Variants in SLC3A1 observed in about 807,000 individuals in gnomAD.
SLC3A1 encodes solute carrier family 3 member 1.
Under a neutral mutation model 60.3 loss-of-function variants are expected in SLC3A1, and 78 were observed. The ratio of observed to expected loss-of-function variants is 1.29; its 90% CI spans 1.08 to 1.56. The LOEUF (loss-of-function observed/expected upper bound fraction) is 1.56, where lower values mean the gene tolerates loss of function less well. SLC3A1 is among the 40% of genes most tolerant of loss of function. SLC3A1 has a pLI of 0.00. For missense variants in SLC3A1, 1,172 were observed against 858.9 expected (o/e 1.36, Z -4.56); for synonymous variants, 392 against 307.9 (o/e 1.27, Z -2.86).
At chr2:44,309,611 G>GT (rs1435218936) in intron 7 of SLC3A1, among the ~76,000 whole-genome samples, 3 of 152,040 alleles carry the variant, frequency 2.0e-5, no homozygotes, top group Non-Finnish European at 4.4e-5. Context: ...CTTTTGTTTT[G>GT]TTTTTTGAGA....
rs1450242721 is a variant in SLC3A1, at chr2:44,304,149, G to A, written c.1143G>A (p.Met381Ile). Reference sequence around the variant, plus strand: ...ACCTTGTCAACTCTTATAGGTTCATGGGGACTGAAGCCTATGCAGAGAGTA... The same window carrying A: ...ACCTTGTCAACTCTTATAGGTTCATAGGGACTGAAGCCTATGCAGAGAGTA... ...YSTEPGRYRFMGTEAYAESID... is the reference protein window; with the variant it reads ...YSTEPGRYRFIGTEAYAESID... Residue 381 changes from methionine (M) to isoleucine (I), a missense_variant, in exon 7 of 10, where the codon ATG (methionine) becomes ATA (isoleucine). Physicochemically the swap from Met to Ile is conservative, Grantham distance 10. Transcript: ENST00000260649. 6.2e-7 allele frequency: 1 copy of A among 1,613,634 alleles called. No homozygotes were observed. Among genetic ancestry groups the A allele is most frequent in the African/African-American group, 1.3e-5 (1 of 74,916 alleles).
At chr2:44,321,576 C>T (rs972610621), downstream of SLC3A1, 28 of 1,494,856 alleles carry the variant, frequency 1.9e-5, no homozygotes, top group East Asian at 2.5e-5. Flanking sequence ...TACTTTCATT[C>T]GAGAGAGAGG....
intron 6 of SLC3A1, among the ~76,000 whole-genome samples, chr2:44,301,937 A>C (rs1672022157): frequency 6.7e-6 from 1 of 149,862 alleles, no homozygotes; most frequent in Non-Finnish European, 1.5e-5. Context: ...TGCCTGTAAT[A>C]CCAGCTACTC....
chr2:44,295,649 G>A (rs555294696), intron 4 of SLC3A1, among the ~76,000 whole-genome samples: 1 of 152,230 alleles, frequency 6.6e-6, no homozygotes, highest in East Asian at 1.9e-4. Context: ...TTATGCTAGG[G>A]CCATAAACCT....
chr2:44,302,969 C>T (rs1014373174), intron 6 of SLC3A1, among the ~76,000 whole-genome samples: 2 of 152,024 alleles, frequency 1.3e-5, no homozygotes, highest in Admixed American at 6.6e-5. Flanking sequence ...GAGGCCAAGG[C>T]AGGCACATCA....
chr2:44,276,656 C>T (rs1426593274), intron 1 of SLC3A1, among the ~76,000 whole-genome samples: 1 of 151,546 alleles, frequency 6.6e-6, no homozygotes, highest in Non-Finnish European at 1.5e-5. Context: ...AGCCCAGGAG[C>T]TCTCAGCCAG....
At chr2:44,284,853 C>T (rs998113088) in intron 3 of SLC3A1, among the ~76,000 whole-genome samples, 15 of 152,122 alleles carry the variant, frequency 9.9e-5, no homozygotes, top group African/African-American at 3.4e-4. Context: ...GCATGAGCTA[C>T]CATGCCCAGC....
At chr2:44,316,625 G>A (rs1672468496) in intron 9 of SLC3A1, among the ~76,000 whole-genome samples, 1 of 152,130 alleles carries the variant, frequency 6.6e-6, no homozygotes, top group East Asian at 1.9e-4. Flanking sequence ...AGAACAGGTA[G>A]GATAAAGAGA....
In SLC3A1 at chr2:44,275,934, C is replaced by T; in HGVS notation, c.399C>T (p.Asp133=). 1 of 1,614,180 alleles carries T rather than the reference C, an allele frequency of 6.2e-7. No individual in the cohort carries two copies. Among genetic ancestry groups the T allele is most frequent in the Non-Finnish European group, 8.5e-7 (1 of 1,180,024 alleles). Residue 133 remains aspartate (D), a synonymous_variant, in exon 1 of 10, where the codon GAC becomes GAT. Coordinates refer to ENST00000260649, the MANE Select transcript of SLC3A1 (RefSeq NM_000341.4). The part of the protein sequence containing the change: ...MYQIYPRSFK[D]SNKDGNGDLK... ...AGATCTACCCAAGGTCTTTCAAGGA[C>T]AGTAACAAGGATGGGAACGGAGATC...
In SLC3A1 at chr2:44,320,188, T is replaced by TA. The variant is rs1370011408; in HGVS notation, c.1618-4dup. 6.2e-7 allele frequency: 1 copy of TA among 1,606,738 alleles called. No homozygotes were observed. The highest frequency in any genetic ancestry group is 1.3e-5 in the African/African-American group (1 of 74,822). On this transcript the variant is annotated splice_polypyrimidine_tract_variant and intron_variant, in intron 9 of 9. Coordinates refer to ENST00000260649, the MANE Select transcript of SLC3A1 (RefSeq NM_000341.4). ...TCAAACACTTACGTAAATACTTTTT[T>TA]AAAAAAATAGGTCCAAAAGACTCAG... is the stretch of plus-strand genomic sequence containing the variant.
At chr2:44,312,561 G>A (rs1356073410) in intron 7 of SLC3A1, 25 bp from the exon 8 acceptor site, 2 of 1,612,494 alleles carry the variant, frequency 1.2e-6, no homozygotes, top group Non-Finnish European at 1.7e-6. Flanking sequence ...ATACAGCTGT[G>A]TTCTTAAAAA....
In SLC3A1 at chr2:44,301,238, CATAACTCTAATT is replaced by C. The variant is rs1449848555; in HGVS notation, c.1136+112_1136+123del. 10 of 1,349,802 alleles carry C rather than the reference CATAACTCTAATT, an allele frequency of 7.4e-6. No homozygotes were observed. In the Admixed American group the frequency reaches 1.9e-4, roughly 25 times the overall value. 83.6% of individuals were successfully genotyped at this position (1,349,802 alleles called of 1,614,324 possible). ...TTCAAGTAATAATGTAACAAGCCTG[CATAACTCTAATT>C]GATTACAGTTTGGTTGTACCAGGGC... On this transcript the variant is annotated intron_variant, in intron 6 of 9. Coordinates refer to ENST00000260649, the MANE Select transcript of SLC3A1 (RefSeq NM_000341.4).
chr2:44,312,833 C>CT (rs1442317960), intron 8 of SLC3A1, 80 bp downstream of exon 8: 1 of 1,131,642 alleles, frequency 8.8e-7, no homozygotes, highest in African/African-American at 1.6e-5. Context: ...AATCAGAGAA[C>CT]TTACTATCTC....
chr2:44,291,064 T>C (rs968043044), intron 4 of SLC3A1, among the ~76,000 whole-genome samples: 16 of 152,180 alleles, frequency 1.1e-4, no homozygotes, highest in Admixed American at 6.6e-5. Flanking sequence ...AAAGTCACCA[T>C]CCTTGGGAGT....
At chr2:44,292,092 G>A (rs1671751762) in intron 4 of SLC3A1, among the ~76,000 whole-genome samples, 1 of 152,170 alleles carries the variant, frequency 6.6e-6, no homozygotes, top group Admixed American at 6.6e-5. Context: ...ACACAGAGAG[G>A]TGAAGTAACC....
chr2:44,280,024 G>A (rs972025877), intron 1 of SLC3A1, among the ~76,000 whole-genome samples: 9 of 152,148 alleles, frequency 5.9e-5, no homozygotes, highest in Non-Finnish European at 1.5e-5. Flanking sequence ...GTGCAGTGTA[G>A]ACCACATGAC....
chr2:44,275,513 C>A lies in SLC3A1; in HGVS notation c.-23C>A. 6.2e-7 allele frequency: 1 copy of A among 1,609,412 alleles called. No individual in the cohort carries two copies. Among genetic ancestry groups the A allele is most frequent in the South Asian group, 1.1e-5 (1 of 90,284 alleles). On this transcript the variant is annotated 5_prime_UTR_variant, in exon 1 of 10. Coordinates refer to ENST00000260649, the MANE Select transcript of SLC3A1 (RefSeq NM_000341.4). ...ACCTCCCTTACTGCAGGAAGGCACT[C>A]CGAAGACATAAGTCGGTGAGACATG...
At chr2:44,304,839 T>C (rs1331180319) in intron 7 of SLC3A1, among the ~76,000 whole-genome samples, 1 of 137,402 alleles carries the variant, frequency 7.3e-6, no homozygotes, top group Non-Finnish European at 1.6e-5. Flanking sequence ...TTTTTTTTTT[T>C]TGAGACAGGG....
chr2:44,302,108 T>C (rs372835683), intron 6 of SLC3A1, among the ~76,000 whole-genome samples: 2 of 152,042 alleles, frequency 1.3e-5, no homozygotes, highest in Non-Finnish European at 2.9e-5. Context: ...TTTATCATTG[T>C]TATTGGATCT....
Sources: gnomAD v4.1 joint callset for allele counts (sites outside exome capture counted in the v4.1 genomes callset) on GRCh38, gnomAD v4.1.1 for gene constraint, MANE v1.5 for transcripts, NCBI Gene and HGNC (gene_info 2026-07-23, HGNC 2026-07-21) for gene names.